NIPAL2: variants seen among roughly 807,000 people sequenced by gnomAD.
The protein encoded by NIPAL2 is NIPA like domain containing 2.
A neutral mutation model predicts 48.9 loss-of-function variants in NIPAL2; 43 were observed. That is an observed-to-expected ratio of 0.88 (90% CI 0.69 to 1.13). The LOEUF is 1.13. Ranked by LOEUF, NIPAL2 falls within the 50% of genes most tolerant of loss-of-function variation. The probability of loss-of-function intolerance (pLI) is 0.00; values close to 1 mark genes in which losing one functional copy is unlikely to be tolerated. For missense variants in NIPAL2, 446 were observed against 461.4 expected, an observed-to-expected ratio of 0.97 and a Z score of 0.31; for synonymous variants, 167 against 174.6, an observed-to-expected ratio of 0.96 and a Z score of 0.34.
intron 1 of NIPAL2, among the ~76,000 whole-genome samples, chr8:98,279,260 C>G (rs1815656934): frequency 6.6e-6 from 1 of 152,140 alleles, no homozygotes; most frequent in Non-Finnish European, 1.5e-5. Context: ...CATACAGTAA[C>G]TTGAGGTAAC....
At chr8:98,246,929 G>A (rs1303980070) in intron 3 of NIPAL2, among the ~76,000 whole-genome samples, 1 of 152,036 alleles carries the variant, frequency 6.6e-6, no homozygotes, top group Non-Finnish European at 1.5e-5. Flanking sequence ...AATTCCATGT[G>A]GCTTCAATTC....
Position 98,190,328 on chromosome 8 carries a change from T to G in NIPAL2, c.*2650A>C, listed in dbSNP as rs1810253071. On this transcript the variant is annotated 3_prime_UTR_variant, in exon 11 of 11. Transcript: ENST00000430223. ...GGCCACTTGTTTTTGTTTGTTTGTTTGTTTGTTTGTTTTTGAGACAGTCTT... is the reference window on the plus strand; with the variant it reads ...GGCCACTTGTTTTTGTTTGTTTGTTGGTTTGTTTGTTTTTGAGACAGTCTT... 6.0e-6 allele frequency: 1 copy of G among 167,394 alleles called. No homozygotes were observed. The highest frequency in any genetic ancestry group is 1.3e-5 in the Non-Finnish European group (1 of 79,820). The allele number at this position is 167,394 out of a possible 1,614,324, so 10.4% of individuals were successfully genotyped here. A position where few individuals can be genotyped will look rare whatever the true frequency, so the allele number is the denominator to read the frequency against.
intron 5 of NIPAL2, among the ~76,000 whole-genome samples, chr8:98,217,998 C>T (rs1215052205): frequency 6.6e-6 from 1 of 152,088 alleles, no homozygotes; most frequent in Admixed American, 6.5e-5. Context: ...GGAAAAATGG[C>T]AAACTGCAAT....
intron 5 of NIPAL2, 105 bp from the exon 6 acceptor site, chr8:98,212,606 G>A: frequency 1.6e-6 from 1 of 618,512 alleles, no homozygotes; most frequent in Admixed American, 2.5e-5. Flanking sequence ...GAGCGTTGAG[G>A]GTGACTGAGG....
intron 1 of NIPAL2, among the ~76,000 whole-genome samples, chr8:98,259,881 G>C (rs1057083746): frequency 1.1e-4 from 17 of 152,164 alleles, no homozygotes; most frequent in African/African-American, 2.9e-4. Flanking sequence ...AACCCAGGTG[G>C]ACTCAGCCAA....
intron 5 of NIPAL2, among the ~76,000 whole-genome samples, chr8:98,213,307 G>A (rs1341697706): frequency 2.0e-5 from 3 of 152,088 alleles, no homozygotes; most frequent in African/African-American, 7.2e-5. Context: ...ATGGTACCCA[G>A]TTTATTTTTG....
chr8:98,218,438 G>A (rs979212044), intron 5 of NIPAL2, among the ~76,000 whole-genome samples: 1 of 152,176 alleles, frequency 6.6e-6, no homozygotes, highest in African/African-American at 2.4e-5. Flanking sequence ...TGGGGCAGAG[G>A]GGTTGGCACA....
chr8:98,193,354 G>T, intron 10 of NIPAL2: 5 of 1,613,282 alleles, frequency 3.1e-6, no homozygotes, highest in Non-Finnish European at 4.2e-6. Flanking sequence ...GGTGGGTTTA[G>T]TCTGGAGATT....
chr8:98,259,826 C>A (rs1476491117), intron 1 of NIPAL2, among the ~76,000 whole-genome samples: 1 of 152,192 alleles, frequency 6.6e-6, no homozygotes, highest in African/African-American at 2.4e-5. Flanking sequence ...CCCTAGAGCA[C>A]CCAGCCCCCA....
chr8:98,274,301 C>T (rs1414537894), intron 1 of NIPAL2, among the ~76,000 whole-genome samples: 2 of 151,958 alleles, frequency 1.3e-5, no homozygotes, highest in Non-Finnish European at 2.9e-5. Flanking sequence ...ATCCACCCAT[C>T]CATCCCATCT....
chr8:98,286,673 G>C (rs1458483432), intron 1 of NIPAL2, among the ~76,000 whole-genome samples: 1 of 151,902 alleles, frequency 6.6e-6, no homozygotes, highest in Non-Finnish European at 1.5e-5. Context: ...TCTGGGCGTG[G>C]TGGTACACGC....
At chr8:98,206,400 C>A (rs566344798) in intron 6 of NIPAL2, among the ~76,000 whole-genome samples, 8 of 151,818 alleles carry the variant, frequency 5.3e-5, no homozygotes, top group African/African-American at 1.7e-4. Flanking sequence ...CCAAGAAAAG[C>A]CTCCCATAAT....
chr8:98,283,678 T>C (rs1447672571), intron 1 of NIPAL2, among the ~76,000 whole-genome samples: 1 of 152,222 alleles, frequency 6.6e-6, no homozygotes, highest in African/African-American at 2.4e-5. Context: ...AGCTGGATGC[T>C]GTGAGCTCTG....
chr8:98,222,318 GCTGA>G (rs1167067551), intron 5 of NIPAL2, among the ~76,000 whole-genome samples, 157 bp downstream of exon 5: 1 of 152,114 alleles, frequency 6.6e-6, no homozygotes, highest in Non-Finnish European at 1.5e-5. Flanking sequence ...TGCTTCTGTT[GCTGA>G]CTTAGTATTT....
At chr8:98,226,207 T>C (rs1339319090) in intron 4 of NIPAL2, among the ~76,000 whole-genome samples, 2 of 152,220 alleles carry the variant, frequency 1.3e-5, no homozygotes, top group African/African-American at 4.8e-5. Context: ...CTCTCCAGGA[T>C]TGGCCCCTGG....
At chr8:98,206,611 AC>A (rs1811052743) in intron 6 of NIPAL2, among the ~76,000 whole-genome samples, 1 of 151,886 alleles carries the variant, frequency 6.6e-6, no homozygotes, top group South Asian at 2.1e-4. Flanking sequence ...GCACAGTGAA[AC>A]CCTGTCTCTA....
chr8:98,252,375 T>C (rs1273500861), intron 3 of NIPAL2, 88 bp downstream of exon 3: 1 of 1,285,938 alleles, frequency 7.8e-7, no homozygotes, highest in Admixed American at 2.6e-5. Flanking sequence ...GACTTTCTTC[T>C]TTGGTGCATT....
Position 98,273,493 on chromosome 8 carries a change from T to G in NIPAL2, c.136-19406A>C, listed in dbSNP as rs186771641. Among the ~76,000 whole-genome samples, 6 of 152,170 alleles carry G rather than the reference T, an allele frequency of 3.9e-5. No individual in the cohort carries two copies. The East Asian group carries it at 7.7e-4, about 20-fold the overall frequency. ...ACTAAAAACCGAAAGATTGTACACT[T>G]TAAATGAGTGAATTTTATGGTATGT... On this transcript the variant is annotated intron_variant, in intron 1 of 10. Transcript: ENST00000430223.
At chr8:98,279,186 C>T (rs1414894201) in intron 1 of NIPAL2, among the ~76,000 whole-genome samples, 1 of 152,076 alleles carries the variant, frequency 6.6e-6, no homozygotes, top group Non-Finnish European at 1.5e-5. Flanking sequence ...CCCCTAATTA[C>T]TGGGGAGGAA....
Sources: gnomAD v4.1 joint callset for allele counts (sites outside exome capture counted in the v4.1 genomes callset) on GRCh38, gnomAD v4.1.1 for gene constraint, MANE v1.5 for transcripts, NCBI Gene and HGNC (gene_info 2026-07-23, HGNC 2026-07-21) for gene names.